Variants in TNIK observed in about 807,000 individuals in gnomAD.
TNIK encodes TRAF2 and NCK-interacting protein kinase.
A neutral mutation model predicts 191.3 loss-of-function variants in TNIK; 49 were observed. That is an observed-to-expected ratio of 0.26 (90% CI 0.20 to 0.32). TNIK has a LOEUF of 0.32. Among genes scored for constraint, TNIK ranks in the 10% least tolerant of loss-of-function variants. The pLI, the probability that TNIK is intolerant of heterozygous loss-of-function variation, is 1.00. For missense variants in TNIK, 1,155 were observed against 1,702.3 expected (o/e 0.68, Z 5.66); for synonymous variants, 594 against 600.9 (o/e 0.99, Z 0.17).
intron 2 of TNIK, among the ~76,000 whole-genome samples, chr3:171,260,237 C>G (rs1442043820): frequency 4.6e-5 from 7 of 152,140 alleles, no homozygotes. Context: ...CCCCACACAG[C>G]ACCTAGGCTA....
At chr3:171,215,546 A>T (rs550408978) in intron 3 of TNIK, among the ~76,000 whole-genome samples, 3 of 152,168 alleles carry the variant, frequency 2.0e-5, no homozygotes, top group African/African-American at 7.2e-5. Context: ...TTAATTCTTT[A>T]CAGAAAACTA....
chr3:171,410,947 C>T (rs1357845465), intron 1 of TNIK, among the ~76,000 whole-genome samples: 1 of 152,106 alleles, frequency 6.6e-6, no homozygotes, highest in Non-Finnish European at 1.5e-5. Context: ...CACCATTAAT[C>T]CACTACACTC....
At chr3:171,418,610 T>A (rs1723372315) in intron 1 of TNIK, among the ~76,000 whole-genome samples, 1 of 152,188 alleles carries the variant, frequency 6.6e-6, no homozygotes, top group Admixed American at 6.5e-5. Flanking sequence ...ATTTCACTTG[T>A]ATGAAATTTC....
In TNIK at chr3:171,188,850, A is replaced by G. The variant is rs779429534; in HGVS notation, c.509-18T>C. On this transcript the variant is annotated intron_variant, in intron 6 of 32. Coordinates refer to ENST00000436636, the MANE Select transcript of TNIK (RefSeq NM_015028.4). ...AAAGTCCACTATTTAAGAAAAGACA[A>G]GTAAATAAAGTCTGTGATCATAGGT... 1 of 1,611,744 alleles carries G rather than the reference A, an allele frequency of 6.2e-7. No individual in the cohort carries two copies. The highest frequency in any genetic ancestry group is 8.5e-7 in the Non-Finnish European group (1 of 1,178,608).
In TNIK at chr3:171,104,430, AAT is replaced by A. The variant is rs1433924692; in HGVS notation, c.2406+2751_2406+2752del. Among the ~76,000 whole-genome samples the A allele has an allele frequency of 2.6e-5, 4 of 152,188 alleles. No homozygotes were observed. The East Asian group carries it at 7.7e-4, about 29-fold the overall frequency. On this transcript the variant is annotated intron_variant, in intron 21 of 32. Transcript: ENST00000436636. ...GAGCTAAAAAGTATTTAAAAAACAA[AAT>A]AAGTGCTATTTAGCATGAAAATATT...
At chr3:171,288,323 A>T (rs1751269057) in intron 2 of TNIK, among the ~76,000 whole-genome samples, 4 of 150,676 alleles carry the variant, frequency 2.7e-5, no homozygotes, top group Admixed American at 2.6e-4. Flanking sequence ...TATAATTTAA[A>T]AAAAAAAAAA....
rs371436280 is a variant in TNIK at position 171,346,998 on chromosome 3, A to T, written c.123+22622T>A. The T allele has an allele frequency of 5.3e-5, 39 of 735,630 alleles. No homozygotes were observed. In the African/African-American group the frequency reaches 6.8e-4, roughly 13 times the overall value. The allele number at this position is 735,630 out of a possible 1,614,324, so 45.6% of individuals were successfully genotyped here. A position where few individuals can be genotyped will look rare whatever the true frequency, so the allele number is the denominator to read the frequency against. ...CAGTAGGAATGTAGGGGCTGCAAGGATAACATCAAGGGACAGTCCTGCAGG... is the reference window on the plus strand; with the variant it reads ...CAGTAGGAATGTAGGGGCTGCAAGGTTAACATCAAGGGACAGTCCTGCAGG... On this transcript the variant is annotated intron_variant, in intron 2 of 32. Coordinates refer to ENST00000436636, the MANE Select transcript of TNIK (RefSeq NM_015028.4).
intron 4 of TNIK, among the ~76,000 whole-genome samples, chr3:171,196,914 C>G (rs1199005680): frequency 7.4e-6 from 1 of 135,194 alleles, no homozygotes; most frequent in African/African-American, 2.7e-5. Flanking sequence ...GCCATCACGC[C>G]CGGCTAATTT....
chr3:171,141,580 T>A lies in TNIK; in HGVS notation c.1222-1071A>T, dbSNP rs1043149448. On this transcript the variant is annotated intron_variant, in intron 12 of 32. Coordinates refer to ENST00000436636, the MANE Select transcript of TNIK (RefSeq NM_015028.4). Reference sequence around the variant, plus strand: ...GAGCATTTGCAACTATCTAAGGACATGTGAGGAGTATTTTTGCTGGTTCTG... The same window carrying A: ...GAGCATTTGCAACTATCTAAGGACAAGTGAGGAGTATTTTTGCTGGTTCTG... 4.6e-5 allele frequency among the ~76,000 whole-genome samples: 7 copies of A among 152,164 alleles called. No homozygotes were observed. In the South Asian group the frequency reaches 1.4e-3, roughly 32 times the overall value.
In TNIK at chr3:171,063,804, C is replaced by G. The variant is rs567595714; in HGVS notation, c.*77G>C. 16 of 1,459,204 alleles carry G rather than the reference C, an allele frequency of 1.1e-5. No individual in the cohort carries two copies. The highest frequency in any genetic ancestry group is 1.4e-5 in the Non-Finnish European group (15 of 1,060,038). 90.4% of individuals were successfully genotyped at this position (1,459,204 alleles called of 1,614,324 possible). A position where few individuals can be genotyped will look rare whatever the true frequency, so the allele number is the denominator to read the frequency against. ...CAAGCCTTCTGATTCTGCCTCTAGA[C>G]TGGCATAAGTCCACATGAGTTATGT... On this transcript the variant is annotated 3_prime_UTR_variant, in exon 33 of 33. Transcript: ENST00000436636.
intron 2 of TNIK, among the ~76,000 whole-genome samples, chr3:171,318,319 G>A (rs1254469550): frequency 2.0e-5 from 3 of 152,054 alleles, no homozygotes; most frequent in Non-Finnish European, 4.4e-5. Context: ...TTAAACACAA[G>A]CCAAAGCATA....
intron 1 of TNIK, among the ~76,000 whole-genome samples, chr3:171,450,572 C>A (rs1728048555): frequency 6.6e-6 from 1 of 152,192 alleles, no homozygotes; most frequent in Non-Finnish European, 1.5e-5. Flanking sequence ...TCACCAATCA[C>A]CAAGCCCTAG....
At chr3:171,146,975 A>C (rs200573874) in intron 12 of TNIK, among the ~76,000 whole-genome samples, 1 of 151,982 alleles carries the variant, frequency 6.6e-6, no homozygotes, top group East Asian at 1.9e-4. Flanking sequence ...ACTTTCAATG[A>C]GGGTATAGAT....
intron 2 of TNIK, among the ~76,000 whole-genome samples, chr3:171,230,416 A>G (rs1743476144): frequency 6.6e-6 from 1 of 152,184 alleles, no homozygotes; most frequent in Non-Finnish European, 1.5e-5. Context: ...CTGATATTAT[A>G]TAGCTGATTT....
intron 9 of TNIK, among the ~76,000 whole-genome samples, chr3:171,170,926 C>T (rs1178648513): frequency 3.3e-5 from 5 of 152,202 alleles, no homozygotes; most frequent in East Asian, 3.9e-4. Flanking sequence ...GTGGCATGCA[C>T]CTGTAGTTCT....
rs112415497 is a variant in TNIK, at chr3:171,188,647, A to G, written c.639+55T>C. The G allele has an allele frequency of 7.2e-3, 11,471 of 1,597,524 alleles. 67 individuals carry two copies. The highest frequency in any genetic ancestry group is 0.019 in the Admixed American group (1,101 of 58,550). On this transcript the variant is annotated intron_variant, in intron 7 of 32. Coordinates refer to ENST00000436636, the MANE Select transcript of TNIK (RefSeq NM_015028.4). ...AATATAAGGGCATGTAAGACTTTATAAGACTCAGGATAAGATGGTAGGCAT... is the reference window on the plus strand; with the variant it reads ...AATATAAGGGCATGTAAGACTTTATGAGACTCAGGATAAGATGGTAGGCAT...
At chr3:171,240,877 G>A (rs1483024996) in intron 2 of TNIK, among the ~76,000 whole-genome samples, 2 of 152,098 alleles carry the variant, frequency 1.3e-5, no homozygotes, top group African/African-American at 4.8e-5. Flanking sequence ...AATGTCTTGA[G>A]GGCAGCGGCT....
At chr3:171,171,210 A>AAT (rs1230661160) in intron 9 of TNIK, among the ~76,000 whole-genome samples, 1 of 152,160 alleles carries the variant, frequency 6.6e-6, no homozygotes, top group Non-Finnish European at 1.5e-5. Context: ...AAGTCTGTGT[A>AAT]ATAGTTTTTA....
intron 1 of TNIK, among the ~76,000 whole-genome samples, chr3:171,452,609 A>G (rs1280883042): frequency 6.6e-6 from 1 of 151,916 alleles, no homozygotes; most frequent in African/African-American, 2.4e-5. Flanking sequence ...ATAAAAACTC[A>G]ACGTTGTCTT....
Sources: gnomAD v4.1 joint callset for allele counts (sites outside exome capture counted in the v4.1 genomes callset) on GRCh38, gnomAD v4.1.1 for gene constraint, MANE v1.5 for transcripts, NCBI Gene and HGNC (gene_info 2026-07-23, HGNC 2026-07-21) for gene names.